ZBBX: variants seen among roughly 807,000 people sequenced by gnomAD.
ZBBX encodes zinc finger B-box domain containing, also known as zinc finger B-box domain-containing protein 1.
ZBBX carries 101 observed loss-of-function variants against 108.5 expected under a neutral mutation model. The observed-to-expected ratio is 0.93, with a 90% CI of 0.79 to 1.10. ZBBX has a LOEUF of 1.10. Among genes scored for constraint, ZBBX ranks in the 50% least tolerant of loss-of-function variants. The pLI, the probability that ZBBX is intolerant of heterozygous loss-of-function variation, is 0.00. For synonymous variants in ZBBX, 356 were observed against 323.4 expected, an observed-to-expected ratio of 1.10 and a Z score of -1.08; for missense variants, 1,009 against 941.4, an observed-to-expected ratio of 1.07 and a Z score of -0.94.
At chr3:167,384,517 G>A (rs1218851944), upstream of ZBBX, among the ~76,000 whole-genome samples, 1 of 152,000 alleles carries the variant, frequency 6.6e-6, no homozygotes, top group Non-Finnish European at 1.5e-5. Context: ...AATAGCAGTA[G>A]GGAGGAATAC....
At chr3:167,200,046 G>T in the ZBBX span, among the ~76,000 whole-genome samples, 3,051 of 152,158 alleles carry the variant, frequency 0.02, 115 homozygotes, top group African/African-American at 0.07. Flanking sequence ...TTTAATCTCT[G>T]CCTCTGTCTT....
At chr3:167,347,516 C>T (rs1045815042) in intron 9 of ZBBX, among the ~76,000 whole-genome samples, 37 of 152,036 alleles carry the variant, frequency 2.4e-4, no homozygotes, top group African/African-American at 7.9e-4. Flanking sequence ...CACATACATG[C>T]AGAATCCAAA....
chr3:167,366,846 T>G (rs1207583341), intron 5 of ZBBX: 1 of 456,018 alleles, frequency 2.2e-6, no homozygotes, highest in East Asian at 7.0e-5. Flanking sequence ...AAGTCCAAAC[T>G]AAGTCCAAAT....
At chr3:167,313,615 T>C (rs987449942) in intron 16 of ZBBX, among the ~76,000 whole-genome samples, 2 of 152,066 alleles carry the variant, frequency 1.3e-5, no homozygotes, top group African/African-American at 4.8e-5. Flanking sequence ...ATCTCTCATG[T>C]GAAACTTTAT....
chr3:167,338,617 T>G (rs530111540), intron 9 of ZBBX, among the ~76,000 whole-genome samples: 2 of 152,204 alleles, frequency 1.3e-5, no homozygotes, highest in African/African-American at 4.8e-5. Context: ...TGAGAATGTC[T>G]CCTTTCCTAG....
chr3:167,295,725 A>G (rs1265765468), intron 18 of ZBBX, among the ~76,000 whole-genome samples: 1 of 11,078 alleles, frequency 9.0e-5, no homozygotes, highest in African/African-American at 3.8e-4. Flanking sequence ...ATATATATAT[A>G]TATATATATA....
At chr3:167,312,542 G>A (rs1306745461) in intron 16 of ZBBX, among the ~76,000 whole-genome samples, 1 of 151,992 alleles carries the variant, frequency 6.6e-6, no homozygotes, top group African/African-American at 2.4e-5. Context: ...TAGAGCAAAG[G>A]GTATATAGGA....
chr3:167,202,301 C>T, the ZBBX span, among the ~76,000 whole-genome samples: 2 of 152,112 alleles, frequency 1.3e-5, no homozygotes, highest in Non-Finnish European at 2.9e-5. Flanking sequence ...AGCCACTGTT[C>T]TCTTTGCCTC....
intron 5 of ZBBX, among the ~76,000 whole-genome samples, chr3:167,368,057 C>T (rs569032109): frequency 6.7e-6 from 1 of 148,930 alleles, no homozygotes; most frequent in Non-Finnish European, 1.5e-5. Flanking sequence ...CTCTTGCTCC[C>T]AAAAGCTTTT....
At chr3:167,274,701 G>A (rs550273572) in intron 20 of ZBBX, among the ~76,000 whole-genome samples, 18 of 152,160 alleles carry the variant, frequency 1.2e-4, no homozygotes, top group African/African-American at 3.1e-4. Flanking sequence ...TGTACCCATC[G>A]TTCCCTTGAA....
chr3:167,253,178 T>C (rs1412062014), intron 20 of ZBBX, among the ~76,000 whole-genome samples: 1 of 152,094 alleles, frequency 6.6e-6, no homozygotes, highest in African/African-American at 2.4e-5. Context: ...ACATAATAAC[T>C]TTGAGAAGAG....
the ZBBX span, among the ~76,000 whole-genome samples, chr3:167,215,309 C>A: frequency 6.6e-6 from 1 of 151,886 alleles, no homozygotes; most frequent in African/African-American, 2.4e-5. Flanking sequence ...TGCTACTGAC[C>A]CCATAGAAAT....
chr3:167,392,135 A>G (rs562171565), intron 1 of ZBBX, among the ~76,000 whole-genome samples: 4 of 151,978 alleles, frequency 2.6e-5, no homozygotes, highest in African/African-American at 9.6e-5. Flanking sequence ...AGAATTCATT[A>G]TAAATGGAAT....
chr3:167,356,226 A>G (rs1371941143), intron 8 of ZBBX, among the ~76,000 whole-genome samples: 1 of 152,104 alleles, frequency 6.6e-6, no homozygotes, highest in Non-Finnish European at 1.5e-5. Context: ...ATTTGTTTAT[A>G]ATTTTTACAA....
chr3:167,267,472 G>C (rs1423006570), intron 20 of ZBBX, among the ~76,000 whole-genome samples: 2 of 152,150 alleles, frequency 1.3e-5, no homozygotes, highest in African/African-American at 4.8e-5. Context: ...GATAAAGATA[G>C]CAATAAATAT....
intron 4 of ZBBX, among the ~76,000 whole-genome samples, chr3:167,370,087 C>T (rs1370169942): frequency 1.3e-5 from 2 of 151,732 alleles, no homozygotes; most frequent in Non-Finnish European, 2.9e-5. Context: ...ATCAGACTTA[C>T]ATTTAGAAAG....
At chr3:167,335,907 A>G (rs1739467101) in intron 9 of ZBBX, among the ~76,000 whole-genome samples, 1 of 151,924 alleles carries the variant, frequency 6.6e-6, no homozygotes, top group South Asian at 2.1e-4. Context: ...TAGTCCTTTT[A>G]TTTTTAAAAG....
At chr3:167,379,057 T>C (rs906734139) in intron 2 of ZBBX, among the ~76,000 whole-genome samples, 6 of 152,206 alleles carry the variant, frequency 3.9e-5, no homozygotes, top group African/African-American at 9.6e-5. Context: ...CCAATAATAA[T>C]GTGCTAAGTA....
chr3:167,282,620 T>A, intron 19 of ZBBX, 125 bp from the exon 20 acceptor site: 1 of 815,220 alleles, frequency 1.2e-6, no homozygotes, highest in Admixed American at 2.9e-5. Flanking sequence ...TTATGAAAAG[T>A]TAACTTTGAC....
Sources: allele counts gnomAD v4.1 joint callset (sites outside exome capture counted in the v4.1 genomes callset), GRCh38; gene constraint gnomAD v4.1.1; transcripts MANE v1.5; gene names NCBI Gene and HGNC (gene_info 2026-07-23, HGNC 2026-07-21).